Variants in CYP2J2 observed in about 807,000 individuals in gnomAD.
The protein encoded by CYP2J2 is cytochrome P450 family 2 subfamily J member 2.
In CYP2J2, 41 loss-of-function variants were observed where a neutral mutation model predicts 48.8. That is an observed-to-expected ratio of 0.84 (90% confidence interval 0.66 to 1.09). The LOEUF is 1.09. Among genes scored for constraint, CYP2J2 ranks in the 50% least tolerant of loss-of-function variants. CYP2J2 has a pLI of 0.00. For missense variants in CYP2J2, 644 were observed against 617.3 expected (o/e 1.04, Z -0.46); for synonymous variants, 221 against 227.1 (o/e 0.97, Z 0.24).
chr1:59,894,206 T>C (rs1055255554), intron 8 of CYP2J2, among the ~76,000 whole-genome samples: 2 of 152,194 alleles, frequency 1.3e-5, no homozygotes, highest in African/African-American at 4.8e-5. Flanking sequence ...ACCAAATATG[T>C]TCACTTTTTT....
chr1:59,902,568 A>C (rs1414218269), intron 7 of CYP2J2, among the ~76,000 whole-genome samples: 1 of 152,010 alleles, frequency 6.6e-6, no homozygotes, highest in African/African-American at 2.4e-5. Flanking sequence ...GGTGCCCACC[A>C]CCACGCCTGG....
chr1:59,929,951 C>T (rs548620735), upstream of CYP2J2, among the ~76,000 whole-genome samples: 1 of 152,022 alleles, frequency 6.6e-6, no homozygotes, highest in East Asian at 1.9e-4. Context: ...AAGGAATCCA[C>T]ACTCAAATAC....
the CYP2J2 span, among the ~76,000 whole-genome samples, chr1:59,954,593 G>GGGT: frequency 1.7e-4 from 25 of 143,004 alleles, no homozygotes; most frequent in African/African-American, 5.9e-4. Context: ...TGGGTCGGGG[G>GGGT]GGGATGCAAA....
chr1:59,918,557 C>A lies in CYP2J2; in HGVS notation c.211-2457G>T, dbSNP rs1644486215. ...GATGTCTAACAATTCTTACGTGCAC[C>A]CTGTCAGTCATTTTATCCATTTCTT... On this transcript the variant is annotated intron_variant, in intron 1 of 8. Transcript: ENST00000371204. 5.3e-5 allele frequency among the ~76,000 whole-genome samples: 8 copies of A among 151,798 alleles called. No homozygotes were observed. The South Asian group carries it at 1.3e-3, about 24-fold the overall frequency.
At chr1:59,932,071 G>A in the CYP2J2 span, among the ~76,000 whole-genome samples, 1 of 151,992 alleles carries the variant, frequency 6.6e-6, no homozygotes, top group African/African-American at 2.4e-5. Flanking sequence ...TTTTATGTTT[G>A]CTTAGGATTT....
intron 8 of CYP2J2, among the ~76,000 whole-genome samples, chr1:59,895,630 T>A (rs1644262078): frequency 1.3e-5 from 2 of 148,490 alleles, no homozygotes; most frequent in African/African-American, 2.4e-5. Context: ...CCATATATAT[T>A]TTTTTGATTT....
chr1:59,914,051 G>A (rs1262004209), intron 2 of CYP2J2, among the ~76,000 whole-genome samples: 1 of 152,030 alleles, frequency 6.6e-6, no homozygotes, highest in Non-Finnish European at 1.5e-5. Flanking sequence ...TATTCTGTCT[G>A]CCAGATTGTT....
At chr1:59,968,833 T>C in the CYP2J2 span, among the ~76,000 whole-genome samples, 3 of 152,230 alleles carry the variant, frequency 2.0e-5, no homozygotes, top group Non-Finnish European at 2.9e-5. Flanking sequence ...CTTGGTCTCA[T>C]TGACTTCAAG....
chr1:59,922,040 G>A (rs114128836), intron 1 of CYP2J2, among the ~76,000 whole-genome samples: 2,545 of 152,212 alleles, frequency 0.017, 83 homozygotes, highest in African/African-American at 0.059. Context: ...CCAGCGCACT[G>A]GCGGCATCGC....
chr1:59,925,261 A>T (rs1358938955), intron 1 of CYP2J2, among the ~76,000 whole-genome samples: 4 of 152,288 alleles, frequency 2.6e-5, no homozygotes, highest in Admixed American at 6.5e-5. Flanking sequence ...GTCAACAAGG[A>T]TATAGGCAAA....
chr1:59,910,551 A>C (rs1360061035), intron 4 of CYP2J2, among the ~76,000 whole-genome samples: 1 of 152,162 alleles, frequency 6.6e-6, no homozygotes. Context: ...AAACCAAGGA[A>C]ATTTTTAAAA....
chr1:59,950,542 T>G, the CYP2J2 span, among the ~76,000 whole-genome samples: 1 of 152,188 alleles, frequency 6.6e-6, no homozygotes, highest in Non-Finnish European at 1.5e-5. Flanking sequence ...AACCAAACTC[T>G]GCCATCTCTT....
the CYP2J2 span, among the ~76,000 whole-genome samples, chr1:59,955,142 A>AAAATAAATAAAT: frequency 0.045 from 6,503 of 145,774 alleles, 163 homozygotes; most frequent in African/African-American, 0.067. Context: ...CTCCAAAATT[A>AAAATAAATAAAT]AAATAAATAA....
intron 6 of CYP2J2, among the ~76,000 whole-genome samples, chr1:59,905,775 TAGGAC>T (rs1644359593): frequency 6.6e-6 from 1 of 152,226 alleles, no homozygotes; most frequent in East Asian, 1.9e-4. Flanking sequence ...TGTGACCAGA[TAGGAC>T]TGCTCCCAGT....
the CYP2J2 span, among the ~76,000 whole-genome samples, chr1:59,968,060 G>C: frequency 6.6e-6 from 1 of 152,114 alleles, no homozygotes; most frequent in Non-Finnish European, 1.5e-5. Context: ...AAGTGACGCA[G>C]GTAATTGTGC....
chr1:59,966,928 G>A, the CYP2J2 span, among the ~76,000 whole-genome samples: 31 of 152,126 alleles, frequency 2.0e-4, no homozygotes, highest in African/African-American at 7.2e-4. Context: ...ATTGGTGGTG[G>A]GTGGTTGAAA....
At chr1:59,932,823 CCT>C in the CYP2J2 span, among the ~76,000 whole-genome samples, 1 of 151,878 alleles carries the variant, frequency 6.6e-6, no homozygotes, top group South Asian at 2.1e-4. Context: ...GCCTCAGCCC[CCT>C]GAGTAGCTGG....
the CYP2J2 span, among the ~76,000 whole-genome samples, chr1:59,953,052 G>A: frequency 6.6e-6 from 1 of 152,164 alleles, no homozygotes; most frequent in African/African-American, 2.4e-5. Context: ...ACCTAGGAAG[G>A]TCAAGGAAAA....
the CYP2J2 span, among the ~76,000 whole-genome samples, chr1:59,943,323 G>A: frequency 6.6e-6 from 1 of 152,188 alleles, no homozygotes; most frequent in Non-Finnish European, 1.5e-5. Flanking sequence ...AAGACCAGCC[G>A]AATGGAGAAA....
Sources: gnomAD v4.1 joint callset for allele counts (sites outside exome capture counted in the v4.1 genomes callset) on GRCh38, gnomAD v4.1.1 for gene constraint, MANE v1.5 for transcripts, NCBI Gene and HGNC (gene_info 2026-07-23, HGNC 2026-07-21) for gene names.